ASTN2: variants seen among roughly 807,000 people sequenced by gnomAD.
The protein encoded by ASTN2 is astrotactin 2, also known as astrotactin-2.
Under a neutral mutation model 139.8 loss-of-function variants are expected in ASTN2, and 54 were observed. That is an observed-to-expected ratio of 0.39 (90% CI 0.31 to 0.48). ASTN2 has a LOEUF of 0.48. ASTN2 is among the 20% of genes least tolerant of loss of function. The pLI is 0.95. For missense variants in ASTN2, 1,565 were observed against 1,725.1 expected, an observed-to-expected ratio of 0.91 and a Z score of 1.64; for synonymous variants, 756 against 719.5, an observed-to-expected ratio of 1.05 and a Z score of -0.81.
At chr9:117,091,397 G>A (rs116479452) in intron 5 of ASTN2, among the ~76,000 whole-genome samples, 1,950 of 152,280 alleles carry the variant, frequency 0.013, 39 homozygotes, top group African/African-American at 0.041. Context: ...TTCCAGTTCA[G>A]TGGAGGACAC....
intron 12 of ASTN2, among the ~76,000 whole-genome samples, chr9:116,806,182 C>T (rs1445140284): frequency 2.0e-5 from 3 of 152,280 alleles, no homozygotes; most frequent in South Asian, 4.1e-4. Context: ...AATCTATTCC[C>T]AGTACATCTG....
intron 10 of ASTN2, among the ~76,000 whole-genome samples, chr9:116,882,497 TA>T (rs1833473941): frequency 6.6e-6 from 1 of 150,466 alleles, no homozygotes; most frequent in African/African-American, 2.5e-5. Flanking sequence ...GGAGGAGAGG[TA>T]GAGGGTCATG....
At chr9:117,331,664 G>A (rs1476075601) in intron 1 of ASTN2, among the ~76,000 whole-genome samples, 1 of 152,164 alleles carries the variant, frequency 6.6e-6, no homozygotes, top group African/African-American at 2.4e-5. Flanking sequence ...TGGAATATTA[G>A]CGATTTTCAA....
chr9:116,485,912 A>G (rs1468676000), intron 20 of ASTN2, among the ~76,000 whole-genome samples: 1 of 152,228 alleles, frequency 6.6e-6, no homozygotes, highest in African/African-American at 2.4e-5. Flanking sequence ...AGGGTGAGGA[A>G]GAGGCAGGGA....
intron 13 of ASTN2, among the ~76,000 whole-genome samples, chr9:116,787,895 T>A (rs1830418244): frequency 6.6e-6 from 1 of 152,318 alleles, no homozygotes; most frequent in Middle Eastern, 3.4e-3. Flanking sequence ...AAATGTACCA[T>A]AAAAATATAA....
intron 12 of ASTN2, 128 bp downstream of exon 12, chr9:116,820,489 G>GA: frequency 1.6e-6 from 2 of 1,246,694 alleles, no homozygotes; most frequent in South Asian, 3.2e-5. Flanking sequence ...ACTAAAACAG[G>GA]AAAGGCAGAA....
chr9:116,608,567 C>CTTTTGAACAAAAGAGTTTGAACAAAATA (rs1326891862), intron 19 of ASTN2, among the ~76,000 whole-genome samples: 2 of 152,036 alleles, frequency 1.3e-5, no homozygotes, highest in Non-Finnish European at 2.9e-5. Context: ...TTTTTGAACT[C>CTTTTGAACAAAAGAGTTTGAACAAAATA]TTTTGAACAA....
At chr9:116,587,746 TG>T (rs1854215939) in intron 19 of ASTN2, among the ~76,000 whole-genome samples, 1 of 152,140 alleles carries the variant, frequency 6.6e-6, no homozygotes, top group Non-Finnish European at 1.5e-5. Flanking sequence ...ATCTGGAAAA[TG>T]AGTCCAAGGA....
In ASTN2 at chr9:117,308,751, G is replaced by A. The variant is rs980273743; in HGVS notation, c.443-17238C>T. 3.1e-4 allele frequency among the ~76,000 whole-genome samples: 47 copies of A among 152,158 alleles called. 2 individuals carry two copies. The highest frequency in any genetic ancestry group is 1.0e-3 in the African/African-American group (42 of 41,504). The stretch of plus-strand genomic sequence containing the variant: ...GAGAGGGAGAGGACAGCTTTAAAAG[G>A]TGGTCTAGTTCATCTACCTTTAAAA... On this transcript the variant is annotated intron_variant, in intron 1 of 22. Coordinates refer to ENST00000313400, the MANE Select transcript of ASTN2 (RefSeq NM_001365068.1).
At chr9:117,061,551 T>C (rs183519844) in intron 5 of ASTN2, among the ~76,000 whole-genome samples, 39 of 152,320 alleles carry the variant, frequency 2.6e-4, no homozygotes, top group Admixed American at 2.5e-3. Context: ...ACAGATAATT[T>C]AGACTCATCT....
intron 3 of ASTN2, among the ~76,000 whole-genome samples, chr9:117,206,233 A>T (rs1372273382): frequency 6.6e-6 from 1 of 152,168 alleles, no homozygotes; most frequent in Non-Finnish European, 1.5e-5. Context: ...ATGTAGAGTC[A>T]CCCAGCCTCT....
chr9:116,793,264 C>A (rs1830603985), intron 13 of ASTN2, among the ~76,000 whole-genome samples: 1 of 152,032 alleles, frequency 6.6e-6, no homozygotes, highest in Non-Finnish European at 1.5e-5. Context: ...TTTGGAAAAG[C>A]CAAAAACTGG....
At chr9:116,522,122 A>G (rs10983215) in intron 19 of ASTN2, among the ~76,000 whole-genome samples, 24,615 of 152,218 alleles carry the variant, frequency 0.16, 2,499 homozygotes, top group Non-Finnish European at 0.23. Flanking sequence ...TTAAAGAACT[A>G]AAGGTAGATC....
chr9:116,878,662 C>A (rs1685695024), intron 10 of ASTN2, among the ~76,000 whole-genome samples: 1 of 151,970 alleles, frequency 6.6e-6, no homozygotes, highest in Admixed American at 6.6e-5. Flanking sequence ...TTTACCTATG[C>A]AACAAACCTG....
At chr9:116,858,462 G>A (rs949165019) in intron 11 of ASTN2, among the ~76,000 whole-genome samples, 2 of 152,190 alleles carry the variant, frequency 1.3e-5, no homozygotes, top group African/African-American at 4.8e-5. Context: ...GTTACTTAGA[G>A]ATGGTGGTGG....
At position 116,442,488 on chromosome 9, in the gene ASTN2, G is replaced by A. The variant is rs762408231; in HGVS notation, c.3563C>T (p.Thr1188Met). ...GTTGTCATCTACCAGTGGACAGGCCGTCCTCAGGGTCACCGTGCTTAGCTC... is the reference window on the plus strand; with the variant it reads ...GTTGTCATCTACCAGTGGACAGGCCATCCTCAGGGTCACCGTGCTTAGCTC... ...HSELSTVTLR[T>M]ACPLVDDNKA... Residue 1188 changes from threonine (T) to methionine (M), a missense_variant, in exon 21 of 23, where the codon ACG becomes ATG. Physicochemically the swap from Thr to Met is moderately conservative, Grantham distance 81 (BLOSUM62 -1). This residue lies in a region of ASTN2 where 418 missense variants were observed against 465.8 expected (regional missense o/e 0.90). Coordinates refer to ENST00000313400, the MANE Select transcript of ASTN2 (RefSeq NM_001365068.1). 9.5e-5 allele frequency: 154 copies of A among 1,613,946 alleles called. No individual in the cohort carries two copies. The highest frequency in any genetic ancestry group is 1.2e-4 in the Non-Finnish European group (140 of 1,180,016).
intron 3 of ASTN2, among the ~76,000 whole-genome samples, chr9:117,142,862 C>T (rs147975442): frequency 6.6e-6 from 1 of 152,304 alleles, no homozygotes; most frequent in East Asian, 1.9e-4. Context: ...TCCCTCCCTC[C>T]ATCTGTGTCT....
intron 16 of ASTN2, among the ~76,000 whole-genome samples, chr9:116,678,655 C>T (rs1037027860): frequency 2.0e-5 from 3 of 152,108 alleles, no homozygotes; most frequent in Non-Finnish European, 4.4e-5. Context: ...AAAAAACATT[C>T]TGTGGGTATA....
intron 20 of ASTN2, among the ~76,000 whole-genome samples, chr9:116,461,225 CTTA>C (rs913531758): frequency 2.7e-5 from 4 of 150,934 alleles, no homozygotes; most frequent in African/African-American, 9.7e-5. Context: ...ATATAATTTA[CTTA>C]TTTATTATAT....
Sources: allele counts gnomAD v4.1 joint callset (sites outside exome capture counted in the v4.1 genomes callset), GRCh38; gene constraint gnomAD v4.1.1; regional missense constraint gnomAD v4.1.1; transcripts MANE v1.5; gene names NCBI Gene and HGNC (gene_info 2026-07-23, HGNC 2026-07-21).